The following RASA1 variants were observed in gnomAD, a reference collection of about 807,000 sequenced individuals.
The protein encoded by RASA1 is ras GTPase-activating protein 1.
A neutral mutation model predicts 132.2 loss-of-function variants in RASA1; 25 were observed. The observed-to-expected ratio is 0.19, with a 90% CI of 0.14 to 0.26. RASA1 has a LOEUF of 0.26. Ranked by LOEUF, RASA1 falls within the 10% of genes least tolerant of loss-of-function variation. The pLI is 1.00. For missense variants in RASA1, 964 were observed against 1,299.2 expected (o/e 0.74, Z 3.97); for synonymous variants, 477 against 449.9 (o/e 1.06, Z -0.76).
intron 4 of RASA1, among the ~76,000 whole-genome samples, chr5:87,335,873 A>G (rs1465650970): frequency 1.3e-5 from 2 of 152,250 alleles, no homozygotes; most frequent in East Asian, 1.9e-4. Flanking sequence ...AGATAGACCA[A>G]TAGATGTTAT....
At chr5:87,363,233 C>T (rs763453429) in intron 10 of RASA1, 115 bp from the exon 11 acceptor site, 243 of 992,872 alleles carry the variant, frequency 2.4e-4, no homozygotes, top group Admixed American at 4.9e-4. Flanking sequence ...TGGCATATTA[C>T]ATAAGCTTTG....
intron 20 of RASA1, among the ~76,000 whole-genome samples, chr5:87,382,047 G>A (rs1039678498): frequency 2.0e-5 from 3 of 152,166 alleles, no homozygotes; most frequent in African/African-American, 7.2e-5. Flanking sequence ...CGCCTCCCAG[G>A]TTCAAGTGAG....
chr5:87,357,237 A>AAT (rs978992549), intron 9 of RASA1, among the ~76,000 whole-genome samples: 2 of 151,832 alleles, frequency 1.3e-5, no homozygotes, highest in African/African-American at 2.4e-5. Flanking sequence ...CACATATATA[A>AAT]ATATATATAT....
rs777575771 is a variant in RASA1, at chr5:87,268,404, T to G, written c.-48T>G. Reference sequence around the variant, plus strand: ...CTCGGAGCCCGGGCCTGGTGGCCCCTGGGGCTCCCGGGCGGGCAGGGTAGG... The same window carrying G: ...CTCGGAGCCCGGGCCTGGTGGCCCCGGGGGCTCCCGGGCGGGCAGGGTAGG... On this transcript the variant is annotated 5_prime_UTR_variant, in exon 1 of 25. Coordinates refer to ENST00000274376, the MANE Select transcript of RASA1 (RefSeq NM_002890.3). 8 of 1,484,458 alleles carry G rather than the reference T, an allele frequency of 5.4e-6. No individual in the cohort carries two copies. In the South Asian group the frequency reaches 1.1e-4, roughly 20 times the overall value. 92.0% of individuals were successfully genotyped at this position (1,484,458 alleles called of 1,614,324 possible).
chr5:87,273,618 T>C (rs1308628462), intron 1 of RASA1, among the ~76,000 whole-genome samples: 1 of 152,170 alleles, frequency 6.6e-6, no homozygotes, highest in Non-Finnish European at 1.5e-5. Context: ...CCCACAGATA[T>C]ATACTGCTTG....
intron 1 of RASA1, among the ~76,000 whole-genome samples, chr5:87,289,068 C>G (rs574720629): frequency 6.7e-6 from 1 of 149,460 alleles, no homozygotes; most frequent in East Asian, 2.1e-4. Flanking sequence ...ATTGTTATGT[C>G]TTTTTTGTCT....
Position 87,295,068 on chromosome 5 carries a change from T to G in RASA1, c.539+26078T>G, listed in dbSNP as rs570002240. 2.8e-4 allele frequency among the ~76,000 whole-genome samples: 42 copies of G among 152,322 alleles called. No individual in the cohort carries two copies. The South Asian group carries it at 7.9e-3, about 29-fold the overall frequency. On this transcript the variant is annotated intron_variant, in intron 1 of 24. Coordinates refer to ENST00000274376, the MANE Select transcript of RASA1 (RefSeq NM_002890.3). ...GGATCATTGGGTCTTCTTGAGGTATTGATCCCTTTATCATTACTTAATGCC... is the reference window on the plus strand; with the variant it reads ...GGATCATTGGGTCTTCTTGAGGTATGGATCCCTTTATCATTACTTAATGCC...
At chr5:87,348,333 G>C (rs1425839132) in intron 7 of RASA1, among the ~76,000 whole-genome samples, 1 of 151,814 alleles carries the variant, frequency 6.6e-6, no homozygotes, top group Non-Finnish European at 1.5e-5. Context: ...AGCATTCATT[G>C]TGCTTTCCTA....
In RASA1 at chr5:87,391,283, T is replaced by C. The variant is rs916766339; in HGVS notation, c.*400T>C. The C allele has an allele frequency of 5.3e-6, 2 of 378,064 alleles. No individual in the cohort carries two copies. The highest frequency in any genetic ancestry group is 9.8e-6 in the Non-Finnish European group (2 of 203,150). 23.4% of individuals were successfully genotyped at this position (378,064 alleles called of 1,614,324 possible). On this transcript the variant is annotated 3_prime_UTR_variant, in exon 25 of 25. Transcript: ENST00000274376. Reference sequence around the variant, plus strand: ...TCAACTGACAAGAAACACATTCTTATTGACAATTGTGTATAACTGGATTGC... The same window carrying C: ...TCAACTGACAAGAAACACATTCTTACTGACAATTGTGTATAACTGGATTGC...
chr5:87,298,392 G>A (rs1325672154), intron 1 of RASA1, among the ~76,000 whole-genome samples: 7 of 144,788 alleles, frequency 4.8e-5, no homozygotes, highest in East Asian at 2.0e-4. Context: ...CAGCCTGGAC[G>A]ACAGAGCGAG....
chr5:87,306,982 C>T (rs1755646215), intron 1 of RASA1, among the ~76,000 whole-genome samples: 2 of 152,134 alleles, frequency 1.3e-5, no homozygotes, highest in South Asian at 4.1e-4. Flanking sequence ...CCTCAGCCTC[C>T]TGAGTAGCTG....
chr5:87,325,537 T>C (rs2112349649), intron 1 of RASA1, among the ~76,000 whole-genome samples: 1 of 152,340 alleles, frequency 6.6e-6, no homozygotes, highest in South Asian at 2.1e-4. Context: ...GTTTGTAGTA[T>C]GATCAGGCAC....
At chr5:87,318,983 A>G (rs1301930812) in intron 1 of RASA1, 1 of 152,368 alleles carries the variant, frequency 6.6e-6, no homozygotes, top group African/African-American at 2.4e-5. Context: ...AAATGGGAGA[A>G]ATAGCCAAAA....
intron 24 of RASA1, among the ~76,000 whole-genome samples, chr5:87,390,351 A>ATTAAAGCAT (rs1762410533): frequency 6.6e-6 from 1 of 152,252 alleles, no homozygotes; most frequent in South Asian, 2.1e-4. Context: ...TGTAGAAGGG[A>ATTAAAGCAT]TTAAAGCATT....
chr5:87,276,430 T>G (rs1365130845), intron 1 of RASA1, among the ~76,000 whole-genome samples: 2 of 152,326 alleles, frequency 1.3e-5, no homozygotes, highest in Admixed American at 6.5e-5. Context: ...ATGTATGTCT[T>G]GTCACATCTC....
At chr5:87,316,877 G>T (rs1747773024) in intron 1 of RASA1, among the ~76,000 whole-genome samples, 1 of 151,856 alleles carries the variant, frequency 6.6e-6, no homozygotes, top group African/African-American at 2.4e-5. Flanking sequence ...CTGCTACTTG[G>T]ATACCACATT....
rs1008716564 is a variant in RASA1 at position 87,380,383 on chromosome 5, A to C, written c.2604-126A>C. 5.8e-6 allele frequency: 5 copies of C among 861,394 alleles called. No individual in the cohort carries two copies. The South Asian group carries it at 6.8e-5, about 12-fold the overall frequency. 53.4% of individuals were successfully genotyped at this position (861,394 alleles called of 1,614,324 possible). A position where few individuals can be genotyped will look rare whatever the true frequency, so the allele number is the denominator to read the frequency against. On this transcript the variant is annotated intron_variant, in intron 19 of 24. Transcript: ENST00000274376. ...AATGCCTCATTACCTGTGGCAAAAT[A>C]CTTTTTTGGGTAAAAGGCCAGTTTT...
In RASA1 at chr5:87,340,871, T is replaced by C. The variant is rs78498617; in HGVS notation, c.1018-419T>C. 2.9e-3 allele frequency among the ~76,000 whole-genome samples: 438 copies of C among 152,220 alleles called. 2 individuals are homozygous for C. Among genetic ancestry groups the C allele is most frequent in the African/African-American group, 0.01 (416 of 41,556 alleles). On this transcript the variant is annotated intron_variant, in intron 5 of 24. Transcript: ENST00000274376. ...CCATGGTATAGGAACCAAAAAACAA[T>C]TGGTAGTATGAGACAGGAAATGTAG... is the stretch of plus-strand genomic sequence containing the variant.
chr5:87,346,717 A>T lies in RASA1; in HGVS notation c.1095A>T (p.Leu365=). 6.5e-7 allele frequency: 1 copy of T among 1,549,090 alleles called. No homozygotes were observed. Among genetic ancestry groups the T allele is most frequent in the Non-Finnish European group, 8.9e-7 (1 of 1,122,910 alleles). The change falls in exon 7 of 25, where the codon CTA becomes CTT. Residue 365 remains leucine (L), a synonymous_variant. Coordinates refer to ENST00000274376, the MANE Select transcript of RASA1 (RefSeq NM_002890.3). ...KISKQEAYNL[L]MTVGQVCSFL... ...CCAAACAGGAAGCTTATAATTTACT[A>T]ATGACAGGTACTTACATATTTACTT...
Sources: allele counts gnomAD v4.1 joint callset (sites outside exome capture counted in the v4.1 genomes callset), GRCh38; gene constraint gnomAD v4.1.1; transcripts MANE v1.5; gene names NCBI Gene and HGNC (gene_info 2026-07-23, HGNC 2026-07-21).